The following TSPAN3 variants were observed in gnomAD, a reference collection of about 807,000 sequenced individuals.
The protein encoded by TSPAN3 is tetraspanin 3, also known as tetraspanin-3.
In TSPAN3, 9 loss-of-function variants were observed where a neutral mutation model predicts 31.1. That is an observed-to-expected ratio of 0.29 (90% confidence interval 0.17 to 0.50). The LOEUF (loss-of-function observed/expected upper bound fraction) is 0.50, where lower values mean the gene tolerates loss of function less well. TSPAN3 is among the 20% of genes least tolerant of loss of function. The pLI is 0.98. For synonymous variants in TSPAN3, 129 were observed against 114.3 expected (o/e 1.13, Z -0.82); for missense variants, 252 against 313.5 (o/e 0.80, Z 1.48).
chr15:77,053,434 G>C (rs1237896752), intron 4 of TSPAN3, among the ~76,000 whole-genome samples: 1 of 81,182 alleles, frequency 1.2e-5, no homozygotes. Context: ...GGCAACAAGA[G>C]TGAAATTTCG....
At chr15:77,068,481 ATT>A (rs1472249014) in intron 1 of TSPAN3, among the ~76,000 whole-genome samples, 3 of 152,198 alleles carry the variant, frequency 2.0e-5, no homozygotes, top group Admixed American at 2.0e-4. Flanking sequence ...TATTTCCAAT[ATT>A]TTGTTACATG....
At chr15:77,068,834 G>GCGTGGTGTTC (rs2076849285) in intron 1 of TSPAN3, among the ~76,000 whole-genome samples, 1 of 152,160 alleles carries the variant, frequency 6.6e-6, no homozygotes, top group Admixed American at 6.5e-5. Flanking sequence ...TTTTGTGGCT[G>GCGTGGTGTTC]CGTGGTGTTC....
rs1216796494 is a variant in TSPAN3 at position 77,046,903 on chromosome 15, T to C, written c.694A>G (p.Ile232Val). 9 of 1,586,926 alleles carry C rather than the reference T, an allele frequency of 5.7e-6. No homozygotes were observed. The Middle Eastern group carries it at 5.0e-4, about 88-fold the overall frequency. ...TCTCTACTCCTTCTGCACAACACGA[T>C]GCAAGCACACAGCATGCCCAGCAGC... is the stretch of plus-strand genomic sequence containing the variant. ...IQLLGMLCAC[I>V]VLCRRSRDPA... The change falls in exon 7 of 7, where the codon ATC (isoleucine) becomes GTC (valine). Residue 232 changes from isoleucine (I) to valine (V), a missense_variant. Coordinates refer to ENST00000267970, the MANE Select transcript of TSPAN3 (RefSeq NM_005724.6).
At chr15:77,070,406 T>C (rs1037495667) in intron 1 of TSPAN3, among the ~76,000 whole-genome samples, 1 of 152,176 alleles carries the variant, frequency 6.6e-6, no homozygotes, top group African/African-American at 2.4e-5. Flanking sequence ...GGGCGTTAAG[T>C]GGAACCCCCG....
At position 77,053,491 on chromosome 15, in the gene TSPAN3, A is replaced by G. The variant is rs935849992; in HGVS notation, c.433-562T>C. On this transcript the variant is annotated intron_variant, in intron 4 of 6. Coordinates refer to ENST00000267970, the MANE Select transcript of TSPAN3 (RefSeq NM_005724.6). ...AAAAAAAAAAAAAAAAAAAAAAAAA[A>G]AAAGAAAAGAAAAGTACATTGCCTA... Among the ~76,000 whole-genome samples the G allele has an allele frequency of 8.0e-5, 11 of 137,146 alleles. No individual in the cohort carries two copies. The East Asian group carries it at 8.2e-4, about 10-fold the overall frequency. 90.0% of individuals were successfully genotyped at this position (137,146 alleles called of 152,430 possible).
rs1413671185 is a variant in TSPAN3 at position 77,056,197 on chromosome 15, T to C, written c.122A>G (p.Tyr41Cys). The change falls in exon 2 of 7, where the codon TAT becomes TGT. Residue 41 changes from tyrosine (Y) to cysteine (C), a missense_variant. Transcript: ENST00000267970. ...GAYVFITYDD[Y>C]DHFFEDVYTL... is the part of the protein sequence containing the mutation. ...GTACACATCTTCAAAGAAGTGGTCA[T>C]AGTCATCATAAGTGATGAAGACATA... 4.3e-6 allele frequency: 7 copies of C among 1,613,776 alleles called. No homozygotes were observed. The highest frequency in any genetic ancestry group is 5.9e-6 in the Non-Finnish European group (7 of 1,179,922).
At chr15:77,068,057 G>C (rs1387952710) in intron 1 of TSPAN3, 1 of 152,194 alleles carries the variant, frequency 6.6e-6, no homozygotes, top group Non-Finnish European at 1.5e-5. Context: ...AAAGTGTTTA[G>C]CACAGTGCCT....
intron 1 of TSPAN3, chr15:77,063,950 TCA>T (rs2076815156): frequency 6.6e-6 from 1 of 152,200 alleles, no homozygotes; most frequent in Non-Finnish European, 1.5e-5. Flanking sequence ...CATTACAACA[TCA>T]TAGGAGCCTG....
intron 6 of TSPAN3, among the ~76,000 whole-genome samples, chr15:77,050,815 A>G (rs1386282351): frequency 2.0e-5 from 3 of 152,248 alleles, no homozygotes; most frequent in Non-Finnish European, 2.9e-5. Flanking sequence ...GCAGAGCTAC[A>G]GAGTAAATGC....
rs535370826 is a variant in TSPAN3, at chr15:77,045,415, G to C, written c.*1420C>G. The C allele has an allele frequency of 7.2e-5, 11 of 152,472 alleles. No homozygotes were observed. Among genetic ancestry groups the C allele is most frequent in the African/African-American group, 2.4e-4 (10 of 41,574 alleles). The allele number at this position is 152,472 out of a possible 1,614,324, so 9.4% of individuals were successfully genotyped here. A position where few individuals can be genotyped will look rare whatever the true frequency, so the allele number is the denominator to read the frequency against. ...ATCCTGGCTTCAGCACGGCCGGCTT[G>C]CATCACCACCTTCTTCTCAGTTCAC... On this transcript the variant is annotated 3_prime_UTR_variant, in exon 7 of 7. Transcript: ENST00000267970.
chr15:77,047,437 C>A (rs1264422170), intron 6 of TSPAN3, among the ~76,000 whole-genome samples: 1 of 152,088 alleles, frequency 6.6e-6, no homozygotes, highest in Non-Finnish European at 1.5e-5. Flanking sequence ...CTTTTCAGGT[C>A]TTTTGGTTTT....
intron 1 of TSPAN3, among the ~76,000 whole-genome samples, chr15:77,061,053 A>G (rs1417764291): frequency 6.6e-6 from 1 of 152,340 alleles, no homozygotes; most frequent in Non-Finnish European, 1.5e-5. Flanking sequence ...TTTTGCAAGT[A>G]TATGAGTTCC....
At position 77,055,851 on chromosome 15, in the gene TSPAN3, G is replaced by C. The variant is rs1462884676; in HGVS notation, c.268C>G (p.Leu90Val). 6.2e-7 allele frequency: 1 copy of C among 1,609,224 alleles called. No homozygotes were observed. The highest frequency in any genetic ancestry group is 1.3e-5 in the African/African-American group (1 of 74,534). Residue 90 changes from leucine (L) to valine (V), a missense_variant, in exon 3 of 7, where the codon CTG (leucine) becomes GTG (valine). By Grantham distance (32) the Leu-to-Val change is conservative. Transcript: ENST00000267970. ...RCGLATFVII[L>V]LLVFVTEVVV... ...ACTTCTGTGACAAAAACCAAGAGCA[G>C]GATGATGACAAACTGTAAGAAAACA...
chr15:77,062,794 TG>T (rs1417353187), intron 1 of TSPAN3, among the ~76,000 whole-genome samples: 1 of 152,142 alleles, frequency 6.6e-6, no homozygotes, highest in Non-Finnish European at 1.5e-5. Context: ...AAAATGAAAA[TG>T]AAAAAGCCCT....
At chr15:77,069,370 G>A (rs1431428658) in intron 1 of TSPAN3, among the ~76,000 whole-genome samples, 1 of 152,106 alleles carries the variant, frequency 6.6e-6, no homozygotes, top group Admixed American at 6.5e-5. Context: ...ACAAAGAGAA[G>A]ACTGATACGA....
chr15:77,061,688 A>G (rs1340687228), intron 1 of TSPAN3, among the ~76,000 whole-genome samples: 2 of 152,254 alleles, frequency 1.3e-5, no homozygotes, highest in Non-Finnish European at 2.9e-5. Context: ...GTATACCTAC[A>G]TGGAGATTTA....
chr15:77,049,188 C>A (rs1030301069), intron 6 of TSPAN3, among the ~76,000 whole-genome samples: 1 of 151,854 alleles, frequency 6.6e-6, no homozygotes, highest in African/African-American at 2.4e-5. Context: ...GCAATGTTGG[C>A]CAGGGTGTGA....
Position 77,056,166 on chromosome 15 carries a change from G to A in TSPAN3, c.153C>T (p.Leu51=), listed in dbSNP as rs116160179. 14 of 1,613,888 alleles carry A rather than the reference G, an allele frequency of 8.7e-6. No homozygotes were observed. The East Asian group carries it at 1.6e-4, about 18-fold the overall frequency. The part of the protein sequence containing the change: ...YDHFFEDVYT[L]IPAVVIIAVG... ...CAGCTATGATCACTACAGCAGGGAT[G>A]AGCGTGTACACATCTTCAAAGAAGT... Residue 51 remains leucine, a synonymous_variant, in exon 2 of 7, where the codon CTC becomes CTT. Coordinates refer to ENST00000267970, the MANE Select transcript of TSPAN3 (RefSeq NM_005724.6).
intron 1 of TSPAN3, 37 bp from the exon 2 acceptor site, chr15:77,056,292 T>C: frequency 6.6e-7 from 1 of 1,508,692 alleles, no homozygotes; most frequent in Non-Finnish European, 8.9e-7. Flanking sequence ...CTCTAAGCAC[T>C]GCTGGTAAAA....
Sources: gnomAD v4.1 joint callset for allele counts (sites outside exome capture counted in the v4.1 genomes callset) on GRCh38, gnomAD v4.1.1 for gene constraint, MANE v1.5 for transcripts, NCBI Gene and HGNC (gene_info 2026-07-23, HGNC 2026-07-21) for gene names.